Variants in PKN2 observed in about 807,000 individuals in gnomAD.
PKN2 encodes protein kinase N2, also known as serine/threonine-protein kinase N2.
Under a neutral mutation model 119.1 loss-of-function variants are expected in PKN2, and 38 were observed. That is an observed-to-expected ratio of 0.32 (90% CI 0.25 to 0.42). PKN2 has a LOEUF of 0.42. Among genes scored for constraint, PKN2 ranks in the 10% least tolerant of loss-of-function variants. PKN2 has a pLI of 1.00. For synonymous variants in PKN2, 390 were observed against 384.9 expected (o/e 1.01, Z -0.15); for missense variants, 850 against 1,165.1 (o/e 0.73, Z 3.94).
intron 2 of PKN2, among the ~76,000 whole-genome samples, chr1:88,750,422 G>A (rs1668940934): frequency 6.6e-6 from 1 of 152,132 alleles, no homozygotes; most frequent in Non-Finnish European, 1.5e-5. Context: ...AATACTAAAA[G>A]CACCAGAAAC....
intron 2 of PKN2, among the ~76,000 whole-genome samples, chr1:88,752,541 T>TA (rs936325959): frequency 6.6e-6 from 1 of 152,116 alleles, no homozygotes; most frequent in Non-Finnish European, 1.5e-5. Context: ...GCTATATTTT[T>TA]AAAAAATTTG....
rs148584624 is a variant in PKN2, at chr1:88,832,359, T to A, written c.2563-385T>A. 2.9e-3 allele frequency among the ~76,000 whole-genome samples: 448 copies of A among 152,120 alleles called. 4 individuals carry two copies. Among genetic ancestry groups the A allele is most frequent in the African/African-American group, 0.01 (426 of 41,542 alleles). Reference sequence around the variant, plus strand: ...TATCTATTATCTAAATATTCCCTACTGTCTGTTAGACACTAAAAATTGACT... The same window carrying A: ...TATCTATTATCTAAATATTCCCTACAGTCTGTTAGACACTAAAAATTGACT... On this transcript the variant is annotated intron_variant, in intron 19 of 21. Transcript: ENST00000370521.
intron 6 of PKN2, 146 bp from the exon 7 acceptor site, chr1:88,784,493 A>G: frequency 2.4e-6 from 1 of 423,826 alleles, no homozygotes; most frequent in East Asian, 3.5e-5. Flanking sequence ...AATAGGAAAG[A>G]TGATAGCTAC....
At chr1:88,729,885 G>A (rs1470184726) in intron 1 of PKN2, among the ~76,000 whole-genome samples, 1 of 152,058 alleles carries the variant, frequency 6.6e-6, no homozygotes, top group African/African-American at 2.4e-5. Flanking sequence ...CCTGCCCTGA[G>A]TTTCCATTTC....
intron 19 of PKN2, among the ~76,000 whole-genome samples, chr1:88,829,678 A>G (rs932587481): frequency 7.2e-5 from 11 of 152,174 alleles, no homozygotes. Flanking sequence ...TCTTTTAATA[A>G]GTAATTGAAG....
intron 3 of PKN2, among the ~76,000 whole-genome samples, chr1:88,767,241 A>G (rs541628411): frequency 1.3e-5 from 2 of 152,356 alleles, no homozygotes; most frequent in East Asian, 3.9e-4. Context: ...AGAGAATGGT[A>G]TCACAATTTA....
At chr1:88,733,918 G>C (rs767301478) in intron 1 of PKN2, among the ~76,000 whole-genome samples, 3 of 152,096 alleles carry the variant, frequency 2.0e-5, no homozygotes, top group Admixed American at 6.5e-5. Flanking sequence ...CAACAATTTG[G>C]GGGGGTCAAG....
intron 18 of PKN2, among the ~76,000 whole-genome samples, chr1:88,825,339 C>G (rs577949568): frequency 6.6e-6 from 1 of 152,170 alleles, no homozygotes; most frequent in Admixed American, 6.5e-5. Flanking sequence ...ATCCTAATGA[C>G]TCCCAAATCT....
intron 16 of PKN2, among the ~76,000 whole-genome samples, chr1:88,815,775 C>T (rs965824818): frequency 6.6e-6 from 1 of 152,176 alleles, no homozygotes; most frequent in Non-Finnish European, 1.5e-5. Flanking sequence ...CAATACCGGA[C>T]AAACAGGAGC....
intron 8 of PKN2, among the ~76,000 whole-genome samples, chr1:88,787,789 G>A (rs946039486): frequency 1.3e-5 from 2 of 152,164 alleles, no homozygotes; most frequent in Non-Finnish European, 2.9e-5. Flanking sequence ...AAGACATTGT[G>A]CATGTTAAGC....
At chr1:88,736,949 C>T (rs146685538) in intron 1 of PKN2, among the ~76,000 whole-genome samples, 38 of 152,270 alleles carry the variant, frequency 2.5e-4, no homozygotes, top group Non-Finnish European at 3.4e-4. Flanking sequence ...GGCCAGGACA[C>T]GTTAGGCACT....
intron 1 of PKN2, among the ~76,000 whole-genome samples, chr1:88,705,537 C>A (rs1189218666): frequency 6.7e-6 from 1 of 148,338 alleles, no homozygotes; most frequent in Non-Finnish European, 1.5e-5. Flanking sequence ...ACTAAAAATA[C>A]AAAAAAAAAA....
intron 2 of PKN2, among the ~76,000 whole-genome samples, chr1:88,745,009 C>A (rs927609305): frequency 1.3e-5 from 2 of 152,018 alleles, no homozygotes; most frequent in African/African-American, 4.8e-5. Flanking sequence ...ATGATTTTTG[C>A]CCATAAGAGT....
intron 1 of PKN2, among the ~76,000 whole-genome samples, chr1:88,735,895 T>A (rs1668328791): frequency 6.6e-6 from 1 of 152,166 alleles, no homozygotes; most frequent in African/African-American, 2.4e-5. Context: ...GGAAGTTTTG[T>A]GTTATTATCT....
chr1:88,699,296 T>G (rs1666670996), intron 1 of PKN2, among the ~76,000 whole-genome samples: 1 of 152,236 alleles, frequency 6.6e-6, no homozygotes, highest in South Asian at 2.1e-4. Flanking sequence ...TGTATATATT[T>G]CATTGTGCAG....
At position 88,741,146 on chromosome 1, in the gene PKN2, G is replaced by T; in HGVS notation, c.207G>T (p.Leu69=). The T allele has an allele frequency of 6.2e-7, 1 of 1,612,674 alleles. No homozygotes were observed. The highest frequency in any genetic ancestry group is 8.5e-7 in the Non-Finnish European group (1 of 1,179,430). Reference sequence around the variant, plus strand: ...AAATCAAAGAAGGAGCTGAAAATCTGAGGAAAGTCACAACAGATAAAAAAA... The same window carrying T: ...AAATCAAAGAAGGAGCTGAAAATCTTAGGAAAGTCACAACAGATAAAAAAA... ...ELKIKEGAEN[L]RKVTTDKKSL... is the part of the protein sequence containing the mutation. Residue 69 remains leucine (L), a synonymous_variant, in exon 2 of 22, where the codon CTG becomes CTT. Transcript: ENST00000370521.
At chr1:88,734,876 G>A (rs1425502028) in intron 1 of PKN2, among the ~76,000 whole-genome samples, 1 of 152,100 alleles carries the variant, frequency 6.6e-6, no homozygotes, top group Non-Finnish European at 1.5e-5. Context: ...GAAAGAAAAA[G>A]CAAACTCTAC....
intron 16 of PKN2, among the ~76,000 whole-genome samples, chr1:88,820,194 A>AACC: frequency 8.2e-5 from 1 of 12,254 alleles, no homozygotes; most frequent in South Asian, 3.2e-3. Flanking sequence ...ATATATATAT[A>AACC]TATATATATA....
chr1:88,756,800 G>A, intron 2 of PKN2, among the ~76,000 whole-genome samples: 1 of 152,048 alleles, frequency 6.6e-6, no homozygotes, highest in East Asian at 1.9e-4. Context: ...GGTACTGCTG[G>A]TTAATATTTA....
Sources: gnomAD v4.1 joint callset for allele counts (sites outside exome capture counted in the v4.1 genomes callset) on GRCh38, gnomAD v4.1.1 for gene constraint, MANE v1.5 for transcripts, NCBI Gene and HGNC (gene_info 2026-07-23, HGNC 2026-07-21) for gene names.